Variants in ANK2 observed in about 807,000 individuals in gnomAD.
ANK2 encodes ankyrin-2.
A neutral mutation model predicts 360.5 loss-of-function variants in ANK2; 83 were observed. The observed-to-expected ratio is 0.23, with a 90% CI of 0.19 to 0.28. The LOEUF (loss-of-function observed/expected upper bound fraction) is 0.28. ANK2 is among the 10% of genes least tolerant of loss of function. The probability of loss-of-function intolerance (pLI) is 1.00; values close to 1 mark genes in which losing one functional copy is unlikely to be tolerated. For missense variants in ANK2, 4,201 were observed against 4,795.7 expected (o/e 0.88, Z 3.66); for synonymous variants, 1,740 against 1,759.5 (o/e 0.99, Z 0.28).
At chr4:113,299,534 A>C (rs1242674997) in intron 22 of ANK2, among the ~76,000 whole-genome samples, 1 of 151,996 alleles carries the variant, frequency 6.6e-6, no homozygotes, top group Non-Finnish European at 1.5e-5. Context: ...GTGAAGCCCC[A>C]TCTCTACTAC....
intron 1 of ANK2, among the ~76,000 whole-genome samples, chr4:112,840,974 T>G (rs2149799281): frequency 6.6e-6 from 1 of 152,314 alleles, no homozygotes; most frequent in South Asian, 2.1e-4. Context: ...ATCCATATCT[T>G]TCAGCTTTTC....
At chr4:113,248,092 C>A (rs1183978242) in intron 9 of ANK2, among the ~76,000 whole-genome samples, 1 of 152,042 alleles carries the variant, frequency 6.6e-6, no homozygotes, top group Non-Finnish European at 1.5e-5. Context: ...TCTTAGGTAC[C>A]CAAAACTGCA....
At chr4:112,874,420 T>C (rs926783391) in intron 1 of ANK2, among the ~76,000 whole-genome samples, 1 of 150,846 alleles carries the variant, frequency 6.6e-6, no homozygotes, top group African/African-American at 2.4e-5. Context: ...GCGGGCAGAT[T>C]ACGTGAGGTC....
chr4:113,088,245 A>C (rs2085854932), intron 1 of ANK2, among the ~76,000 whole-genome samples: 1 of 152,306 alleles, frequency 6.6e-6, no homozygotes, highest in East Asian at 1.9e-4. Context: ...CCTGAGAGAC[A>C]GCACTGGGTC....
At chr4:112,894,681 A>G (rs1323339034) in intron 1 of ANK2, among the ~76,000 whole-genome samples, 1 of 152,174 alleles carries the variant, frequency 6.6e-6, no homozygotes, top group East Asian at 1.9e-4. Flanking sequence ...TATTGGGAGC[A>G]TGGTGTTATT....
Position 113,357,702 on chromosome 4 carries a change from A to G in ANK2, c.9084A>G (p.Glu3028=), listed in dbSNP as rs747281400. The change falls in exon 38 of 46, where the codon GAA becomes GAG. Residue 3028 remains glutamate, a synonymous_variant. Transcript: ENST00000357077. Reference sequence around the variant, plus strand: ...CCGCTACAACAACAGTTGTTGGTGAACAAATAAGCAAAGTCATCATCACAA... The same window carrying G: ...CCGCTACAACAACAGTTGTTGGTGAGCAAATAAGCAAAGTCATCATCACAA... The part of the protein sequence containing the change: ...TMSATTTVVG[E]QISKVIITKT... 10 of 1,614,164 alleles carry G rather than the reference A, an allele frequency of 6.2e-6. No individual in the cohort carries two copies. The highest frequency in any genetic ancestry group is 8.5e-6 in the Non-Finnish European group (10 of 1,179,992).
intron 2 of ANK2, among the ~76,000 whole-genome samples, chr4:112,943,989 G>A (rs72892477): frequency 0.027 from 4,135 of 152,124 alleles, 81 homozygotes; most frequent in South Asian, 0.052. Context: ...AAATGGAGAT[G>A]GTTTTTGGTG....
At chr4:113,185,987 A>C (rs1354138891) in intron 2 of ANK2, among the ~76,000 whole-genome samples, 1 of 152,174 alleles carries the variant, frequency 6.6e-6, no homozygotes, top group Non-Finnish European at 1.5e-5. Context: ...GAGCAGACTT[A>C]AACGTTCCTG....
At chr4:113,053,250 G>A in intron 1 of ANK2, among the ~76,000 whole-genome samples, 1 of 152,282 alleles carries the variant, frequency 6.6e-6, no homozygotes, top group East Asian at 1.9e-4. Context: ...TGAACACAAA[G>A]ATACCTTTGG....
At position 113,170,358 on chromosome 4, in the gene ANK2, A is replaced by G. The variant is rs189266569; in HGVS notation, c.85-4058A>G. Among the ~76,000 whole-genome samples, 208 of 152,308 alleles carry G rather than the reference A, an allele frequency of 1.4e-3. 1 individual carries two copies. The highest frequency in any genetic ancestry group is 4.6e-3 in the African/African-American group (191 of 41,586). Reference sequence around the variant, plus strand: ...CACTTTTGGCTCGTCATGTCCTGCCATGTATGATGAACAGATTCTCTGACC... The same window carrying G: ...CACTTTTGGCTCGTCATGTCCTGCCGTGTATGATGAACAGATTCTCTGACC... On this transcript the variant is annotated intron_variant, in intron 1 of 45. Transcript: ENST00000357077.
chr4:112,873,681 C>T, intron 1 of ANK2, among the ~76,000 whole-genome samples: 1 of 150,974 alleles, frequency 6.6e-6, no homozygotes. Flanking sequence ...GGACTACAGG[C>T]ACCCGCCACC....
chr4:113,121,769 A>T (rs146678668), intron 1 of ANK2, among the ~76,000 whole-genome samples: 1 of 152,086 alleles, frequency 6.6e-6, no homozygotes, highest in Non-Finnish European at 1.5e-5. Flanking sequence ...TCACAGTAAA[A>T]GGTTCTGATT....
chr4:113,102,946 G>C (rs957032358), intron 1 of ANK2, among the ~76,000 whole-genome samples: 1 of 152,126 alleles, frequency 6.6e-6, no homozygotes, highest in African/African-American at 2.4e-5. Flanking sequence ...GTAACACAGG[G>C]AGGAGGGGAG....
At chr4:113,019,960 T>A (rs1054898010) in intron 2 of ANK2, among the ~76,000 whole-genome samples, 4 of 152,110 alleles carry the variant, frequency 2.6e-5, no homozygotes, top group African/African-American at 7.2e-5. Flanking sequence ...TTGGATATTG[T>A]TTATTATGTG....
chr4:113,368,116 C>CGA, intron 42 of ANK2, among the ~76,000 whole-genome samples: 1 of 152,298 alleles, frequency 6.6e-6, no homozygotes, highest in South Asian at 2.1e-4. Flanking sequence ...TCCATTTCCA[C>CGA]ATCTGTAAAT....
At chr4:112,856,535 C>G (rs1227300816) in intron 1 of ANK2, among the ~76,000 whole-genome samples, 2 of 152,168 alleles carry the variant, frequency 1.3e-5, no homozygotes, top group Non-Finnish European at 2.9e-5. Flanking sequence ...CGAGACCAGC[C>G]TGGCCAATAT....
rs77458858 is a variant in ANK2, at chr4:112,846,753, A to G, written c.-40+28489A>G. On this transcript the variant is annotated intron_variant, in intron 1 of 30. Transcript: ENST00000503271. ...TTCAATATATGTTGATGATCCCTGCATCAGTCAGAGTGAGGCTAAGCTGCT... is the reference window on the plus strand; with the variant it reads ...TTCAATATATGTTGATGATCCCTGCGTCAGTCAGAGTGAGGCTAAGCTGCT... Among the ~76,000 whole-genome samples the G allele has an allele frequency of 5.0e-3, 762 of 152,218 alleles. 8 individuals are homozygous for G. The highest frequency in any genetic ancestry group is 0.017 in the African/African-American group (691 of 41,532).
intron 1 of ANK2, among the ~76,000 whole-genome samples, chr4:112,880,062 A>ACACT (rs1553963873): frequency 6.7e-6 from 1 of 148,292 alleles, no homozygotes; most frequent in Non-Finnish European, 1.5e-5. Flanking sequence ...ACACACACAC[A>ACACT]CTCTCTCTCT....
At chr4:113,161,695 CGTGTGTGTGT>C (rs56162406) in intron 1 of ANK2, among the ~76,000 whole-genome samples, 31 of 144,742 alleles carry the variant, frequency 2.1e-4, no homozygotes, top group African/African-American at 2.8e-4. Flanking sequence ...GTTTTAGTCT[CGTGTGTGTGT>C]GTGTGTGTGT....
Sources: gnomAD v4.1 joint callset for allele counts (sites outside exome capture counted in the v4.1 genomes callset) on GRCh38, gnomAD v4.1.1 for gene constraint, MANE v1.5 for transcripts, NCBI Gene and HGNC (gene_info 2026-07-23, HGNC 2026-07-21) for gene names.